ENOX1: variants seen among roughly 807,000 people sequenced by gnomAD.
ENOX1 encodes ecto-NOX disulfide-thiol exchanger 1, also known as candidate growth-related and time keeping constitutive hydroquinone (NADH) oxidase.
In ENOX1, 42 loss-of-function variants were observed where a neutral mutation model predicts 82.5. That is an observed-to-expected ratio of 0.51 (90% CI 0.40 to 0.66). The LOEUF is 0.66. Ranked by LOEUF, ENOX1 falls within the 30% of genes least tolerant of loss-of-function variation. The pLI is 0.00. For missense variants in ENOX1, 608 were observed against 811.6 expected (o/e 0.75, Z 3.05); for synonymous variants, 271 against 282.2 (o/e 0.96, Z 0.40).
chr13:43,430,356 G>A (rs2055580637), intron 3 of ENOX1, among the ~76,000 whole-genome samples: 1 of 152,198 alleles, frequency 6.6e-6, no homozygotes, highest in South Asian at 2.1e-4. Context: ...GGTTAGGGAA[G>A]GTTGTTTTGC....
intron 11 of ENOX1, among the ~76,000 whole-genome samples, chr13:43,314,148 G>A (rs1026728509): frequency 3.3e-5 from 5 of 152,184 alleles, no homozygotes; most frequent in Admixed American, 3.3e-4. Flanking sequence ...CACACATTGT[G>A]TCCTGGAACT....
intron 2 of ENOX1, among the ~76,000 whole-genome samples, chr13:43,661,436 A>C (rs1295859928): frequency 2.6e-5 from 4 of 152,214 alleles, no homozygotes; most frequent in Non-Finnish European, 4.4e-5. Context: ...AGATGCTTTC[A>C]AACCCAAGTA....
chr13:43,638,539 A>G lies in ENOX1; in HGVS notation c.-219+28940T>C, dbSNP rs41450947. ...TAGTAAACTTTCTTGCCAGCAAACC[A>G]AAAAGTTTAAATCTGTGCAGTGCAT... On this transcript the variant is annotated intron_variant, in intron 2 of 16. Coordinates refer to ENST00000690772, the MANE Select transcript of ENOX1 (RefSeq NM_001347969.2). Among the ~76,000 whole-genome samples the G allele has an allele frequency of 9.1e-3, 1,388 of 152,340 alleles. 25 individuals carry two copies. The highest frequency in any genetic ancestry group is 0.032 in the African/African-American group (1,323 of 41,562).
intron 8 of ENOX1, among the ~76,000 whole-genome samples, chr13:43,354,457 C>T (rs1197308148): frequency 1.3e-5 from 2 of 151,306 alleles, no homozygotes; most frequent in Non-Finnish European, 2.9e-5. Context: ...AGCACAGCAC[C>T]CCCGCTGCCA....
chr13:43,313,135 G>A (rs922967958), intron 11 of ENOX1, among the ~76,000 whole-genome samples: 1 of 152,118 alleles, frequency 6.6e-6, no homozygotes, highest in African/African-American at 2.4e-5. Context: ...CTAGTATTGA[G>A]CTCTAGGCTT....
chr13:43,674,226 C>T (rs1341849895), intron 1 of ENOX1, among the ~76,000 whole-genome samples: 1 of 152,116 alleles, frequency 6.6e-6, no homozygotes, highest in Non-Finnish European at 1.5e-5. Context: ...ACTGGGAGTA[C>T]AAGCCAGGAA....
intron 5 of ENOX1, among the ~76,000 whole-genome samples, chr13:43,398,724 C>T (rs569967136): frequency 5.9e-5 from 9 of 151,768 alleles, no homozygotes; most frequent in East Asian, 1.9e-4. Context: ...AACGTGAAGA[C>T]GAGGAGCATG....
At chr13:43,697,918 G>A (rs2086718269) in intron 1 of ENOX1, among the ~76,000 whole-genome samples, 1 of 152,182 alleles carries the variant, frequency 6.6e-6, no homozygotes, top group Non-Finnish European at 1.5e-5. Context: ...ACTGACTGAA[G>A]CTAAGCTTCC....
At position 43,293,966 on chromosome 13, in the gene ENOX1, C is replaced by T. The variant is rs569012375; in HGVS notation, c.1446+4380G>A. ...AGTATAAAGAAAAAAATGCTTGTCA[C>T]TTAATTTCTAAAATGCTTTTGATCA... is the stretch of plus-strand genomic sequence containing the variant. On this transcript the variant is annotated intron_variant, in intron 12 of 16. Transcript: ENST00000690772. 2.6e-5 allele frequency among the ~76,000 whole-genome samples: 4 copies of T among 152,276 alleles called. No individual in the cohort carries two copies. In the South Asian group the frequency reaches 8.3e-4, roughly 32 times the overall value.
chr13:43,232,624 T>C (rs935584418), intron 15 of ENOX1, among the ~76,000 whole-genome samples: 1 of 152,210 alleles, frequency 6.6e-6, no homozygotes, highest in Non-Finnish European at 1.5e-5. Flanking sequence ...GTGACTGTGA[T>C]GGAAATGATG....
chr13:43,404,390 G>A (rs74533675), intron 5 of ENOX1, among the ~76,000 whole-genome samples: 5,610 of 152,056 alleles, frequency 0.037, 325 homozygotes, highest in African/African-American at 0.12. Context: ...TTCATCTCAG[G>A]TCTTTGAACA....
intron 2 of ENOX1, among the ~76,000 whole-genome samples, chr13:43,658,360 T>C (rs535613468): frequency 2.0e-5 from 3 of 152,212 alleles, no homozygotes; most frequent in African/African-American, 7.2e-5. Context: ...TCAGGTATTA[T>C]TGATTGACCT....
chr13:43,369,610 A>G (rs2051083914), intron 5 of ENOX1, among the ~76,000 whole-genome samples: 1 of 152,248 alleles, frequency 6.6e-6, no homozygotes, highest in African/African-American at 2.4e-5. Flanking sequence ...CTCTCATGCA[A>G]CTTTGAAGTT....
At chr13:43,368,511 C>T (rs1398040589) in intron 5 of ENOX1, among the ~76,000 whole-genome samples, 1 of 152,184 alleles carries the variant, frequency 6.6e-6, no homozygotes, top group Non-Finnish European at 1.5e-5. Flanking sequence ...TTTGAGTGAG[C>T]AGGAGGTAAG....
chr13:43,221,848 C>G (rs902532576), intron 16 of ENOX1, among the ~76,000 whole-genome samples: 2 of 152,136 alleles, frequency 1.3e-5, no homozygotes, highest in Non-Finnish European at 2.9e-5. Flanking sequence ...GCCTGCTTTC[C>G]CTGTTCTCAT....
At chr13:43,709,711 G>A (rs2087559837) in intron 1 of ENOX1, among the ~76,000 whole-genome samples, 1 of 152,024 alleles carries the variant, frequency 6.6e-6, no homozygotes, top group South Asian at 2.1e-4. Context: ...AAAGGTAGAA[G>A]TTGCAAGTTA....
Position 43,412,882 on chromosome 13 carries a change from G to A in ENOX1, c.33C>T (p.Thr11=). ...TCTGAGGAAGCTCCTGGGGAAGCTG[G>A]GTGATGTTCTCAACTCCACCTGCAT... The part of the protein sequence containing the change: MVDAGGVENI[T]QLPQELPQMM... Residue 11 remains threonine (T), a synonymous_variant, in exon 4 of 17, where the codon ACC becomes ACT. Transcript: ENST00000690772. 1 of 1,614,038 alleles carries A rather than the reference G, an allele frequency of 6.2e-7. No homozygotes were observed. Among genetic ancestry groups the A allele is most frequent in the Non-Finnish European group, 8.5e-7 (1 of 1,180,016 alleles).
At chr13:43,637,990 G>A (rs1016197779) in intron 2 of ENOX1, among the ~76,000 whole-genome samples, 3 of 152,080 alleles carry the variant, frequency 2.0e-5, no homozygotes, top group Non-Finnish European at 2.9e-5. Flanking sequence ...AAAAGGGTCC[G>A]AGAGCACCTC....
At chr13:43,231,098 T>TG (rs1268276763) in intron 15 of ENOX1, among the ~76,000 whole-genome samples, 1 of 152,188 alleles carries the variant, frequency 6.6e-6, no homozygotes, top group African/African-American at 2.4e-5. Context: ...AGGAGCACCT[T>TG]GGGGCTTTCC....
Sources: allele counts gnomAD v4.1 joint callset (sites outside exome capture counted in the v4.1 genomes callset), GRCh38; gene constraint gnomAD v4.1.1; transcripts MANE v1.5; gene names NCBI Gene and HGNC (gene_info 2026-07-23, HGNC 2026-07-21).